ABLIM2: variants seen among roughly 807,000 people sequenced by gnomAD.
The protein encoded by ABLIM2 is actin binding LIM protein family member 2.
A neutral mutation model predicts 97.7 loss-of-function variants in ABLIM2; 53 were observed. The observed-to-expected ratio is 0.54, with a 90% CI of 0.44 to 0.68. The LOEUF is 0.68. Among genes scored for constraint, ABLIM2 ranks in the 30% least tolerant of loss-of-function variants. The probability of loss-of-function intolerance (pLI) is 0.00; values close to 1 mark genes in which losing one functional copy is unlikely to be tolerated. For synonymous variants in ABLIM2, 361 were observed against 345.8 expected (o/e 1.04, Z -0.49); for missense variants, 835 against 867.2 (o/e 0.96, Z 0.47).
At chr4:8,056,133 A>AAAAAAAAAAAAAAAAAAAT (rs1340885577) in intron 7 of ABLIM2, among the ~76,000 whole-genome samples, 1 of 139,796 alleles carries the variant, frequency 7.2e-6, no homozygotes, top group Non-Finnish European at 1.6e-5. Flanking sequence ...AAAAAAAAAA[A>AAAAAAAAAAAAAAAAAAAT]AAAAAAGTAA....
chr4:7,973,846 T>A (rs1439407444), intron 20 of ABLIM2, among the ~76,000 whole-genome samples: 2 of 152,138 alleles, frequency 1.3e-5, no homozygotes, highest in Non-Finnish European at 2.9e-5. Context: ...GTGGCTGGGC[T>A]GTGGGGCCCA....
At chr4:8,152,643 G>A (rs1229514618) in intron 1 of ABLIM2, among the ~76,000 whole-genome samples, 2 of 152,216 alleles carry the variant, frequency 1.3e-5, no homozygotes, top group Non-Finnish European at 2.9e-5. Flanking sequence ...CTCTTTCGGG[G>A]CTTCCCCGGG....
intron 2 of ABLIM2, among the ~76,000 whole-genome samples, chr4:8,103,365 C>T (rs1351210053): frequency 6.6e-6 from 1 of 152,250 alleles, no homozygotes; most frequent in African/African-American, 2.4e-5. Context: ...TGAAAGCTTG[C>T]AGGAAATCGT....
chr4:7,994,082 T>TAAAAGACCTGTCCTGGGTCCCTAAACTG lies in ABLIM2; in HGVS notation c.1619-1156_1619-1155insCAGTTTAGGGACCCAGGACAGGTCTTTT, dbSNP rs1560478001. 179 of 62,472 alleles carry TAAAAGACCTGTCCTGGGTCCCTAAACTG rather than the reference T, an allele frequency of 2.9e-3. 58 individuals are homozygous for TAAAAGACCTGTCCTGGGTCCCTAAACTG. The highest frequency in any genetic ancestry group is 0.01 in the South Asian group (51 of 5,078). 3.9% of individuals were successfully genotyped at this position (62,472 alleles called of 1,614,324 possible). A position where few individuals can be genotyped will look rare whatever the true frequency, so the allele number is the denominator to read the frequency against. On this transcript the variant is annotated intron_variant, in intron 16 of 20. Transcript: ENST00000447017. ...CCCTCCACACCCAGGGAAGCATTCTTTTTTTTTTTTTTTTTTTTTTTTTTT... is the reference window on the plus strand; with the variant it reads ...CCCTCCACACCCAGGGAAGCATTCTTAAAAGACCTGTCCTGGGTCCCTAAACTGTTTTTTTTTTTTTTTTTTTTTTTTT...
chr4:7,967,186 A>G (rs754574096), intron 20 of ABLIM2, 83 bp from the exon 21 acceptor site: 147 of 1,146,260 alleles, frequency 1.3e-4, no homozygotes, highest in Admixed American at 4.3e-4. Flanking sequence ...CCGCCAAGCA[A>G]TCCAGGGGCA....
chr4:7,983,512 G>A lies in ABLIM2; in HGVS notation c.1743+35C>T, dbSNP rs772599189. The A allele has an allele frequency of 2.1e-5, 34 of 1,612,370 alleles. No homozygotes were observed. The South Asian group carries it at 2.8e-4, about 13-fold the overall frequency. Reference sequence around the variant, plus strand: ...CTTTTAACCTGGGCAGGTGTGGCGCGGCACGGAGGTCAGTGTGGGAGCGGC... The same window carrying A: ...CTTTTAACCTGGGCAGGTGTGGCGCAGCACGGAGGTCAGTGTGGGAGCGGC... On this transcript the variant is annotated intron_variant, in intron 19 of 20. Transcript: ENST00000447017.
Position 7,998,168 on chromosome 4 carries a change from G to C in ABLIM2, c.1619-5241C>G, listed in dbSNP as rs1414770351. 6.6e-6 allele frequency among the ~76,000 whole-genome samples: 1 copy of C among 152,080 alleles called. No homozygotes were observed. The highest frequency in any genetic ancestry group is 1.9e-4 in the East Asian group (1 of 5,182). On this transcript the variant is annotated intron_variant, in intron 16 of 20. Transcript: ENST00000447017. The surrounding 1 kb of genome is among the most constrained non-coding windows in gnomAD (Gnocchi z 6.4). ...CCCAAAGTGCTGGGATTACAGGTGT[G>C]AGCCACTGCGCCGGGCCTTCTGCTG...
chr4:8,100,946 C>T (rs766295384), intron 2 of ABLIM2, among the ~76,000 whole-genome samples: 5 of 152,100 alleles, frequency 3.3e-5, no homozygotes, highest in Non-Finnish European at 7.4e-5. Flanking sequence ...GGAAAGTGCC[C>T]ACACACTAAA....
At chr4:8,080,993 G>A (rs1263483165) in intron 4 of ABLIM2, among the ~76,000 whole-genome samples, 191 bp from the exon 5 acceptor site, 1 of 152,166 alleles carries the variant, frequency 6.6e-6, no homozygotes, top group Non-Finnish European at 1.5e-5. Flanking sequence ...GGCAACTGGG[G>A]AAGTTTGACC....
At chr4:7,989,459 T>C in intron 17 of ABLIM2, 1 of 985,280 alleles carries the variant, frequency 1.0e-6, no homozygotes, top group Non-Finnish European at 1.2e-6. Flanking sequence ...CATTGCCATG[T>C]TGCTTGGTGC....
chr4:8,116,742 G>A (rs1842963984), intron 1 of ABLIM2, among the ~76,000 whole-genome samples: 1 of 152,104 alleles, frequency 6.6e-6, no homozygotes, highest in African/African-American at 2.4e-5. Context: ...TTGAGAAAGG[G>A]GTCTTCACTC....
chr4:8,052,498 G>C (rs1796650722), intron 8 of ABLIM2, among the ~76,000 whole-genome samples: 1 of 152,238 alleles, frequency 6.6e-6, no homozygotes, highest in African/African-American at 2.4e-5. Flanking sequence ...GCTCACAGCG[G>C]GATTTCATCG....
intron 1 of ABLIM2, among the ~76,000 whole-genome samples, chr4:8,114,846 A>C (rs1195009055): frequency 6.6e-6 from 1 of 152,230 alleles, no homozygotes. Flanking sequence ...ACAAGAGCAC[A>C]CAGGAAGCTC....
At position 8,109,103 on chromosome 4, in the gene ABLIM2, AC is replaced by A. The variant is rs1665163961; in HGVS notation, c.11-2467del. Among the ~76,000 whole-genome samples, 6 of 152,360 alleles carry A rather than the reference AC, an allele frequency of 3.9e-5. No homozygotes were observed. In the South Asian group the frequency reaches 1.2e-3, roughly 32 times the overall value. On this transcript the variant is annotated intron_variant, in intron 1 of 20. Transcript: ENST00000447017. ...CCGTGGAAGGAAGGGAGGCCGCGGCACTGGCCCCCCACCGCCTGTCCCCTGA... is the reference window on the plus strand; with the variant it reads ...CCGTGGAAGGAAGGGAGGCCGCGGCATGGCCCCCCACCGCCTGTCCCCTGA...
In ABLIM2 at chr4:7,992,824, C is replaced by A. The variant is rs776524188; in HGVS notation, c.1680+42G>T. 6.3e-7 allele frequency: 1 copy of A among 1,596,944 alleles called. No individual in the cohort carries two copies. Among genetic ancestry groups the A allele is most frequent in the Non-Finnish European group, 8.6e-7 (1 of 1,168,276 alleles). Reference sequence around the variant, plus strand: ...GTGGGAAACGTGCTCAGCCTCACAGCAATCGTTAGTACCCTGTGGCCAGGG... The same window carrying A: ...GTGGGAAACGTGCTCAGCCTCACAGAAATCGTTAGTACCCTGTGGCCAGGG... On this transcript the variant is annotated intron_variant, in intron 17 of 20. Coordinates refer to ENST00000447017, the MANE Select transcript of ABLIM2 (RefSeq NM_001130083.2). This position sits in a 1 kb window ranked among gnomAD's most constrained non-coding sequence, Gnocchi z 5.7.
At chr4:8,026,775 C>A (rs1305380767) in intron 12 of ABLIM2, among the ~76,000 whole-genome samples, 1 of 152,242 alleles carries the variant, frequency 6.6e-6, no homozygotes, top group African/African-American at 2.4e-5. Flanking sequence ...TGAGCCAGGT[C>A]TGGCAGGGTG....
At chr4:7,985,037 C>T (rs1032289138) in intron 17 of ABLIM2, 144 bp from the exon 18 acceptor site, 22 of 786,630 alleles carry the variant, frequency 2.8e-5, no homozygotes, top group East Asian at 1.6e-4. Context: ...AGCAGTGGGG[C>T]GTGACAGAAG....
At chr4:8,066,083 T>C (rs1292900128) in intron 6 of ABLIM2, among the ~76,000 whole-genome samples, 2 of 148,774 alleles carry the variant, frequency 1.3e-5, no homozygotes, top group South Asian at 2.2e-4. Context: ...GGGCGGATCA[T>C]GAGGTCAGGA....
intron 7 of ABLIM2, among the ~76,000 whole-genome samples, chr4:8,059,582 C>T (rs990127963): frequency 2.6e-5 from 4 of 151,998 alleles, no homozygotes; most frequent in Non-Finnish European, 4.4e-5. Flanking sequence ...TAGGGGATGC[C>T]GTTGTCTCAG....
Sources: gnomAD v4.1 joint callset for allele counts (sites outside exome capture counted in the v4.1 genomes callset) on GRCh38, gnomAD v4.1.1 for gene constraint, Gnocchi (gnomAD v3.1) non-coding constraint, MANE v1.5 for transcripts, NCBI Gene and HGNC (gene_info 2026-07-23, HGNC 2026-07-21) for gene names.